Variants in PDE4DIP observed in about 807,000 individuals in gnomAD.
The protein encoded by PDE4DIP is phosphodiesterase 4D interacting protein.
In PDE4DIP, 59 loss-of-function variants were observed where a neutral mutation model predicts 221.4. The observed-to-expected ratio is 0.27, with a 90% CI of 0.22 to 0.33. The LOEUF (loss-of-function observed/expected upper bound fraction) is 0.33. Ranked by LOEUF, PDE4DIP falls within the 10% of genes least tolerant of loss-of-function variation. The pLI is 1.00. For missense variants in PDE4DIP, 1,036 were observed against 2,154.2 expected (o/e 0.48, Z 10.28); for synonymous variants, 404 against 815.9 (o/e 0.50, Z 8.60).
intron 5 of PDE4DIP, among the ~76,000 whole-genome samples, chr1:148,959,308 CTTA>C (rs1319971521): frequency 4.0e-5 from 6 of 148,332 alleles, no homozygotes; most frequent in Non-Finnish European, 8.9e-5. Flanking sequence ...TGGTGCTTTG[CTTA>C]TTATAGCATT....
At chr1:148,836,675 AAC>A (rs1176738362) in intron 1 of PDE4DIP, among the ~76,000 whole-genome samples, 2 of 76,228 alleles carry the variant, frequency 2.6e-5, no homozygotes, top group Admixed American at 1.6e-4. Context: ...TGTTGTGCTA[AAC>A]AACAATTTGA....
exon 1 of PDE4DIP, chr1:148,889,735 TC>T: frequency 1.9e-6 from 1 of 539,246 alleles, no homozygotes; most frequent in Non-Finnish European, 3.1e-6. Context: ...GGCACGCTCC[TC>T]CCCATGGGTT....
At chr1:148,960,167 C>G (rs370807680) in intron 5 of PDE4DIP, among the ~76,000 whole-genome samples, 1 of 152,252 alleles carries the variant, frequency 6.6e-6, no homozygotes, top group Non-Finnish European at 1.5e-5. Context: ...AATACTGTTA[C>G]CTAATATATA....
chr1:148,996,101 C>A (rs1698632), intron 22 of PDE4DIP, among the ~76,000 whole-genome samples: 4 of 127,080 alleles, frequency 3.1e-5, no homozygotes, highest in Non-Finnish European at 5.3e-5. Context: ...CATTCATGGT[C>A]CATAATTTTT....
chr1:148,970,358 G>A (rs1359322446), intron 14 of PDE4DIP, among the ~76,000 whole-genome samples: 1 of 151,134 alleles, frequency 6.6e-6, no homozygotes, highest in Non-Finnish European at 1.5e-5. Flanking sequence ...GGATCTTTGA[G>A]TTTTCTTTTT....
chr1:149,010,596 G>T lies in PDE4DIP; in HGVS notation c.5080+1G>T, dbSNP rs1553604569. 1 of 1,613,424 alleles carries T rather than the reference G, an allele frequency of 6.2e-7. No homozygotes were observed. On this transcript the variant is annotated splice_donor_variant, in intron 31 of 43. Coordinates refer to ENST00000369354, the Ensembl canonical transcript of PDE4DIP. LOFTEE classifies it high-confidence loss of function. ...AAGGAGGCCAACCAGGCCCATTCAG[G>T]TATGCAACAGCCAATGGGGCAGAAG...
chr1:149,005,575 T>C, intron 27 of PDE4DIP, 138 bp downstream of exon 30: 1 of 756,780 alleles, frequency 1.3e-6, no homozygotes, highest in Non-Finnish European at 2.2e-6. Flanking sequence ...TAGATACAGG[T>C]CTGCAGAAAA....
chr1:148,957,980 T>C (rs2055804816), intron 5 of PDE4DIP, among the ~76,000 whole-genome samples: 5 of 145,858 alleles, frequency 3.4e-5, no homozygotes, highest in Admixed American at 2.8e-4. Context: ...CCAAATTTTA[T>C]AGAGATGGTT....
At chr1:148,916,121 T>C (rs1233233875) in intron 1 of PDE4DIP, among the ~76,000 whole-genome samples, 2 of 151,812 alleles carry the variant, frequency 1.3e-5, no homozygotes, top group Non-Finnish European at 2.9e-5. Context: ...ATACATGTAA[T>C]TTAAATTTTT....
At chr1:149,020,850 A>G (rs587658279) in intron 36 of PDE4DIP, 179 bp from the exon 40 acceptor site, 2 of 576,140 alleles carry the variant, frequency 3.5e-6, no homozygotes, top group South Asian at 2.3e-5. Context: ...CTCCATTTCC[A>G]TATCTGCGAA....
chr1:149,017,163 C>T (rs2070917265), intron 33 of PDE4DIP, among the ~76,000 whole-genome samples: 1 of 151,374 alleles, frequency 6.6e-6, no homozygotes, highest in Admixed American at 6.6e-5. Flanking sequence ...GTGTCATCCC[C>T]TCTCTAATTT....
chr1:148,952,034 G>A (rs1346532983), intron 5 of PDE4DIP: 2 of 1,007,830 alleles, frequency 2.0e-6, no homozygotes, highest in Admixed American at 6.0e-5. Context: ...GCTGGCAGCC[G>A]GAGGACGTGG....
At chr1:149,012,652 T>C in exon 32 of PDE4DIP, 4 of 1,612,856 alleles carry the variant, frequency 2.5e-6, no homozygotes, top group Non-Finnish European at 3.4e-6. Flanking sequence ...TGCCCTCAGC[T>C]CCATCCAGCT....
chr1:148,989,431 A>C (rs1278664773), intron 21 of PDE4DIP: 2 of 579,856 alleles, frequency 3.4e-6, no homozygotes, highest in Non-Finnish European at 4.5e-6. Context: ...AATAAGATGG[A>C]GCATTATCCA....
chr1:148,892,286 C>T (rs1553437839), intron 1 of PDE4DIP, among the ~76,000 whole-genome samples: 1 of 122,426 alleles, frequency 8.2e-6, no homozygotes, highest in African/African-American at 3.4e-5. Flanking sequence ...TGAGCCACTG[C>T]GCCCCACCAG....
chr1:148,997,472 CA>C (rs2064533258), intron 22 of PDE4DIP, among the ~76,000 whole-genome samples: 1 of 151,918 alleles, frequency 6.6e-6, no homozygotes, highest in Non-Finnish European at 1.5e-5. Flanking sequence ...AGATAATAAC[CA>C]AAAAGTGAGG....
At chr1:148,915,134 T>TTTGTTTG (rs2043655608) in intron 1 of PDE4DIP, among the ~76,000 whole-genome samples, 4 of 149,880 alleles carry the variant, frequency 2.7e-5, no homozygotes, top group Non-Finnish European at 5.9e-5. Context: ...CTTCTGGTTT[T>TTTGTTTG]TTTGTTTGTT....
At chr1:149,031,979 C>G (rs1553638615) in exon 44 of PDE4DIP, 1 of 1,609,880 alleles carries the variant, frequency 6.2e-7, no homozygotes, top group Non-Finnish European at 8.5e-7. Flanking sequence ...GTACTCCAGC[C>G]TTGTGACCCT....
At chr1:148,929,220 G>A (rs781833821) in exon 2 of PDE4DIP, 130 of 1,613,570 alleles carry the variant, frequency 8.1e-5, no homozygotes, top group Non-Finnish European at 1.1e-4. Context: ...AGGTTGAAGT[G>A]GAGAGCTTGA....
Sources: gnomAD v4.1 joint callset for allele counts (sites outside exome capture counted in the v4.1 genomes callset) on GRCh38, gnomAD v4.1.1 for gene constraint, MANE v1.5 for transcripts, NCBI Gene and HGNC (gene_info 2026-07-23, HGNC 2026-07-21) for gene names.